The following SIMC1 variants were observed in gnomAD, a reference collection of about 807,000 sequenced individuals.
The protein encoded by SIMC1 is SUMO interacting motifs containing 1, also known as SUMO-interacting motif-containing protein 1.
A neutral mutation model predicts 82.3 loss-of-function variants in SIMC1; 55 were observed. The observed-to-expected ratio is 0.67, with a 90% CI of 0.54 to 0.84. The LOEUF is 0.84. Among genes scored for constraint, SIMC1 ranks in the 40% least tolerant of loss-of-function variants. The pLI, the probability that SIMC1 is intolerant of heterozygous loss-of-function variation, is 0.00. For missense variants in SIMC1, 915 were observed against 1,107.2 expected (o/e 0.83, Z 2.46); for synonymous variants, 353 against 426.3 (o/e 0.83, Z 2.12).
intron 9 of SIMC1, among the ~76,000 whole-genome samples, chr5:176,340,910 G>T (rs1480558133): frequency 2.6e-5 from 4 of 152,214 alleles, no homozygotes; most frequent in African/African-American, 9.6e-5. Context: ...ACTTTGGGAT[G>T]CTGAGGTGGA....
At chr5:176,256,179 T>G (rs1042898484) in intron 1 of SIMC1, among the ~76,000 whole-genome samples, 1 of 152,140 alleles carries the variant, frequency 6.6e-6, no homozygotes, top group African/African-American at 2.4e-5. Flanking sequence ...AGTTGAAAAT[T>G]TAAGAAACAA....
intron 5 of SIMC1, among the ~76,000 whole-genome samples, chr5:176,321,299 T>C (rs1259520154): frequency 6.6e-6 from 1 of 152,190 alleles, no homozygotes; most frequent in South Asian, 2.1e-4. Flanking sequence ...TTTATTTATA[T>C]TGATAGTCAT....
At chr5:176,331,332 T>C (rs997859737) in intron 7 of SIMC1, among the ~76,000 whole-genome samples, 2 of 147,168 alleles carry the variant, frequency 1.4e-5, no homozygotes, top group Non-Finnish European at 3.0e-5. Flanking sequence ...ATCGCGCCAC[T>C]GCACTCCAGC....
At chr5:176,302,964 G>A (rs1445384755) in intron 4 of SIMC1, among the ~76,000 whole-genome samples, 1 of 152,140 alleles carries the variant, frequency 6.6e-6, no homozygotes, top group East Asian at 1.9e-4. Flanking sequence ...TGGTTAAGAT[G>A]TCAGTACTAC....
Position 176,252,959 on chromosome 5 carries a change from G to A in SIMC1, c.129+14322G>A, listed in dbSNP as rs551406517. 3.9e-5 allele frequency among the ~76,000 whole-genome samples: 6 copies of A among 152,344 alleles called. No individual in the cohort carries two copies. The East Asian group carries it at 5.8e-4, about 15-fold the overall frequency. ...TGGAGACCAGCCTGGCCCACGCTGCGAAACCCTGTCTCCACCAAAAAAATA... is the reference window on the plus strand; with the variant it reads ...TGGAGACCAGCCTGGCCCACGCTGCAAAACCCTGTCTCCACCAAAAAAATA... On this transcript the variant is annotated intron_variant, in intron 1 of 9. Coordinates refer to ENST00000429602, the MANE Select transcript of SIMC1 (RefSeq NM_001308195.2).
At chr5:176,323,155 T>G (rs1765235299) in intron 6 of SIMC1, among the ~76,000 whole-genome samples, 1 of 152,176 alleles carries the variant, frequency 6.6e-6, no homozygotes, top group South Asian at 2.1e-4. Context: ...GTTTAAATTG[T>G]TTCCTAAATT....
At chr5:176,265,672 G>T (rs1464941298) in intron 1 of SIMC1, among the ~76,000 whole-genome samples, 3 of 151,934 alleles carry the variant, frequency 2.0e-5, no homozygotes, top group Non-Finnish European at 4.4e-5. Flanking sequence ...AGTAATCTGT[G>T]TTTCTCCTCC....
chr5:176,284,534 G>A (rs1404453942), intron 1 of SIMC1, among the ~76,000 whole-genome samples: 2 of 152,140 alleles, frequency 1.3e-5, no homozygotes, highest in East Asian at 3.8e-4. Flanking sequence ...AGTGTGTAGA[G>A]GGAAATTTAT....
At chr5:176,305,123 C>A (rs1415026144) in intron 4 of SIMC1, among the ~76,000 whole-genome samples, 1 of 137,246 alleles carries the variant, frequency 7.3e-6, no homozygotes, top group South Asian at 2.4e-4. Context: ...CCCGGCCAGC[C>A]GTGCCATCCA....
At position 176,295,091 on chromosome 5, in the gene SIMC1, T is replaced by C. The variant is rs1399073440; in HGVS notation, c.1493T>C (p.Ile498Thr). Reference sequence around the variant, plus strand: ...AGACTAAGAATGGTAACAAATACCATTGAAGAGAATTTTCCTCTGGGGACT... The same window carrying C: ...AGACTAAGAATGGTAACAAATACCACTGAAGAGAATTTTCCTCTGGGGACT... ...HRRLRMVTNT[I>T]EENFPLGTVQ... is the part of the protein sequence containing the mutation. The change falls in exon 3 of 10, where the codon ATT (isoleucine) becomes ACT (threonine). Residue 498 changes from isoleucine to threonine, a missense_variant. This residue lies in a region of SIMC1 where 902 missense variants were observed against 1,040.3 expected (regional missense o/e 0.87). Transcript: ENST00000429602. 22 of 1,613,356 alleles carry C rather than the reference T, an allele frequency of 1.4e-5. No homozygotes were observed. Among genetic ancestry groups the C allele is most frequent in the Non-Finnish European group, 1.8e-5 (21 of 1,179,688 alleles).
chr5:176,263,732 G>A (rs111389011), intron 1 of SIMC1, among the ~76,000 whole-genome samples: 1 of 152,234 alleles, frequency 6.6e-6, no homozygotes, highest in South Asian at 2.1e-4. Flanking sequence ...CCCCCCAAAT[G>A]TCATATCCTT....
At position 176,296,007 on chromosome 5, in the gene SIMC1, A is replaced by G. The variant is rs573097953; in HGVS notation, c.1665-244A>G. 9.5e-6 allele frequency: 6 copies of G among 629,440 alleles called. No individual in the cohort carries two copies. The East Asian group carries it at 1.2e-4, about 13-fold the overall frequency. The allele number at this position is 629,440 out of a possible 1,614,324, so 39.0% of individuals were successfully genotyped here. A position where few individuals can be genotyped will look rare whatever the true frequency, so the allele number is the denominator to read the frequency against. ...AAAACTAGTTGGTTAAGAGTAGTGA[A>G]GAGTTGGTTTCTTAAGACAAAATTA... On this transcript the variant is annotated intron_variant, in intron 3 of 9. Transcript: ENST00000429602.
intron 1 of SIMC1, among the ~76,000 whole-genome samples, chr5:176,269,133 GAA>G (rs1762322917): frequency 6.6e-6 from 1 of 151,770 alleles, no homozygotes; most frequent in Non-Finnish European, 1.5e-5. Flanking sequence ...TGTTAGAAAA[GAA>G]AAAAGTCTAA....
intron 7 of SIMC1, among the ~76,000 whole-genome samples, chr5:176,326,751 G>C (rs1765409324): frequency 6.6e-6 from 1 of 152,100 alleles, no homozygotes; most frequent in East Asian, 1.9e-4. Flanking sequence ...TTTTAGTAGA[G>C]ATGGGGTTTC....
intron 1 of SIMC1, among the ~76,000 whole-genome samples, chr5:176,261,998 A>G (rs1304210398): frequency 1.3e-5 from 2 of 151,998 alleles, no homozygotes; most frequent in Non-Finnish European, 2.9e-5. Flanking sequence ...CACTAATACC[A>G]AAGCAAGACA....
rs1765345956 is a variant in SIMC1, at chr5:176,325,395, A to C, written c.2171+638A>C. On this transcript the variant is annotated intron_variant, in intron 7 of 9. Transcript: ENST00000429602. ...AGTGAGACTCCATCTCAAAAAAAAT[A>C]AAAATAAAGGCCGGCTGTGGTGGCT... Among the ~76,000 whole-genome samples the C allele has an allele frequency of 3.3e-5, 5 of 150,998 alleles. No homozygotes were observed. In the South Asian group the frequency reaches 1.1e-3, roughly 32 times the overall value.
chr5:176,268,895 T>C (rs1174192537), intron 1 of SIMC1, among the ~76,000 whole-genome samples: 1 of 152,218 alleles, frequency 6.6e-6, no homozygotes, highest in Non-Finnish European at 1.5e-5. Flanking sequence ...ACAAGGAAGA[T>C]TCACCAGGGT....
At chr5:176,308,484 A>G (rs1303645498) in intron 4 of SIMC1, 9 of 1,607,320 alleles carry the variant, frequency 5.6e-6, no homozygotes, top group Admixed American at 5.0e-5. Flanking sequence ...CACCCAAGCC[A>G]TGTACCAGAT....
chr5:176,322,356 C>T lies in SIMC1; in HGVS notation c.1973C>T (p.Thr658Ile), dbSNP rs1477697377. 1 of 1,603,678 alleles carries T rather than the reference C, an allele frequency of 6.2e-7. No individual in the cohort carries two copies. Among genetic ancestry groups the T allele is most frequent in the Non-Finnish European group, 8.5e-7 (1 of 1,175,124 alleles). Residue 658 changes from threonine to isoleucine, a missense_variant, in exon 6 of 10, where the codon ACA becomes ATA. Coordinates refer to ENST00000429602, the MANE Select transcript of SIMC1 (RefSeq NM_001308195.2). ...AATGGAAATCAAACGTCTTCAGGAA[C>T]AGGAATCTTGAAAGCCAGCAGTAGC... ...PPNGNQTSSG[T>I]GILKASSSHP...
Sources: gnomAD v4.1 joint callset for allele counts (sites outside exome capture counted in the v4.1 genomes callset) on GRCh38, gnomAD v4.1.1 for gene constraint, gnomAD v4.1.1 regional missense constraint, MANE v1.5 for transcripts, NCBI Gene and HGNC (gene_info 2026-07-23, HGNC 2026-07-21) for gene names.